The following COX17 variants were observed in gnomAD, a reference collection of about 807,000 sequenced individuals.
The protein encoded by COX17 is cytochrome c oxidase copper chaperone COX17.
In COX17, 1 loss-of-function variant was observed where a neutral mutation model predicts 6.3. The ratio of observed to expected loss-of-function variants is 0.16; its 90% CI spans 0.06 to 0.75. The LOEUF (loss-of-function observed/expected upper bound fraction) is 0.75, where lower values mean the gene tolerates loss of function less well. Among genes scored for constraint, COX17 ranks in the 30% least tolerant of loss-of-function variants. The pLI is 0.77. For missense variants in COX17, 73 were observed against 81.2 expected, an observed-to-expected ratio of 0.90 and a Z score of 0.39; for synonymous variants, 26 against 30.5, an observed-to-expected ratio of 0.85 and a Z score of 0.49.
At chr3:119,664,504 A>G (rs2052976133) in intron 3 of COX17, among the ~76,000 whole-genome samples, 2 of 152,228 alleles carry the variant, frequency 1.3e-5, no homozygotes, top group Non-Finnish European at 2.9e-5. Flanking sequence ...GTAAAACAAA[A>G]TACGTGGCAT....
At chr3:119,664,668 C>T (rs1553798490), downstream of COX17, among the ~76,000 whole-genome samples, 1 of 152,138 alleles carries the variant, frequency 6.6e-6, no homozygotes, top group Non-Finnish European at 1.5e-5. Context: ...TGTTACTTGT[C>T]CATGCTGGTT....
At chr3:119,668,955 T>C (rs182621114), downstream of COX17, among the ~76,000 whole-genome samples, 1 of 152,272 alleles carries the variant, frequency 6.6e-6, no homozygotes, top group East Asian at 1.9e-4. Context: ...TGACATTTAA[T>C]ACCAATTCAG....
downstream of COX17, among the ~76,000 whole-genome samples, chr3:119,668,056 C>A (rs1170081915): frequency 6.6e-6 from 1 of 151,996 alleles, no homozygotes; most frequent in Non-Finnish European, 1.5e-5. Context: ...CAAATGACAC[C>A]ACAGACCTAT....
At chr3:119,672,950 T>C (rs1228438540) in intron 2 of COX17, among the ~76,000 whole-genome samples, 1 of 152,220 alleles carries the variant, frequency 6.6e-6, no homozygotes, top group African/African-American at 2.4e-5. Context: ...AAGTTCCTTA[T>C]CCCTCCTTTT....
At chr3:119,668,783 T>C (rs1470531094), downstream of COX17, among the ~76,000 whole-genome samples, 2 of 152,092 alleles carry the variant, frequency 1.3e-5, no homozygotes, top group Admixed American at 1.3e-4. Context: ...TCAGTATCTT[T>C]TGTTCTTGAG....
intron 1 of COX17, chr3:119,676,826 A>C: frequency 1.4e-6 from 1 of 702,680 alleles, no homozygotes; most frequent in Middle Eastern, 2.3e-4. Context: ...TTCGGACCTA[A>C]CGCAGTGCTT....
At chr3:119,668,870 G>A (rs909323316), downstream of COX17, among the ~76,000 whole-genome samples, 1 of 151,926 alleles carries the variant, frequency 6.6e-6, no homozygotes, top group Non-Finnish European at 1.5e-5. Flanking sequence ...GGATGACAAG[G>A]TTGCTATACT....
At chr3:119,672,050 C>A (rs2053049931) in intron 2 of COX17, among the ~76,000 whole-genome samples, 1 of 152,180 alleles carries the variant, frequency 6.6e-6, no homozygotes, top group African/African-American at 2.4e-5. Flanking sequence ...ACTTAACAGA[C>A]CTCAACTGAA....
At chr3:119,677,027 G>GCGGGGC (rs1559736230) in intron 1 of COX17, 177 bp downstream of exon 1, 2 of 451,354 alleles carry the variant, frequency 4.4e-6, no homozygotes, top group Non-Finnish European at 7.9e-6. Flanking sequence ...GCGGGGCGGG[G>GCGGGGC]GGGGGGGGCA....
chr3:119,675,007 G>A (rs1325848658), intron 2 of COX17, 138 bp downstream of exon 2: 2 of 627,162 alleles, frequency 3.2e-6, no homozygotes, highest in Admixed American at 5.5e-5. Flanking sequence ...CCTTCATTGG[G>A]AACTGAAAAA....
chr3:119,673,189 C>G (rs781145619), intron 2 of COX17, among the ~76,000 whole-genome samples: 4 of 152,194 alleles, frequency 2.6e-5, no homozygotes, highest in Non-Finnish European at 5.9e-5. Context: ...TGATACTGCA[C>G]AACCCACCTT....
At chr3:119,665,586 C>A (rs766608648), downstream of COX17, among the ~76,000 whole-genome samples, 4 of 152,150 alleles carry the variant, frequency 2.6e-5, no homozygotes, top group Non-Finnish European at 5.9e-5. Flanking sequence ...GTTGCCCAGG[C>A]CAGTCTTGAA....
intron 1 of COX17, 22 bp downstream of exon 1, chr3:119,677,181 GC>G: frequency 6.3e-7 from 1 of 1,589,860 alleles, no homozygotes; most frequent in East Asian, 2.3e-5. Flanking sequence ...CGTCGGCCGC[GC>G]CCTCTCCGGC....
chr3:119,676,869 G>C, intron 1 of COX17: 1 of 702,904 alleles, frequency 1.4e-6, no homozygotes, highest in South Asian at 1.5e-5. Flanking sequence ...CACATTTGTA[G>C]GAAGGAATGA....
chr3:119,666,618 T>C (rs76419630), downstream of COX17, among the ~76,000 whole-genome samples: 3,236 of 152,344 alleles, frequency 0.021, 45 homozygotes, highest in Middle Eastern at 0.071. Flanking sequence ...CAACTTTATA[T>C]TTCTACGGTT....
In COX17 at chr3:119,669,538, T is replaced by G. The variant is rs2053023607; in HGVS notation, c.*132A>C. On this transcript the variant is annotated 3_prime_UTR_variant, in exon 3 of 3. Coordinates refer to ENST00000261070, the MANE Select transcript of COX17 (RefSeq NM_005694.2). ...AGAAACACAACTGAAGATCTTCCAC[T>G]AGTAATATTTTACTTTCTTCTTACA... is the stretch of plus-strand genomic sequence containing the variant. 6.6e-6 allele frequency: 1 copy of G among 152,196 alleles called. No homozygotes were observed. Among genetic ancestry groups the G allele is most frequent in the Non-Finnish European group, 1.5e-5 (1 of 68,030 alleles). 9.4% of individuals were successfully genotyped at this position (152,196 alleles called of 1,614,324 possible). A position where few individuals can be genotyped will look rare whatever the true frequency, so the allele number is the denominator to read the frequency against.
Position 119,677,359 on chromosome 3 carries a change from G to A in COX17, c.-49C>T, listed in dbSNP as rs1225119976. ...AGCGGAGACAGCCAAATCTATGCCA[G>A]CCTCGGCAAACGCCGATTCGTCCGC... is the stretch of plus-strand genomic sequence containing the variant. On this transcript the variant is annotated 5_prime_UTR_variant, in exon 1 of 3. Coordinates refer to ENST00000261070, the MANE Select transcript of COX17 (RefSeq NM_005694.2). 1 of 1,500,486 alleles carries A rather than the reference G, an allele frequency of 6.7e-7. No individual in the cohort carries two copies. The highest frequency in any genetic ancestry group is 1.4e-5 in the African/African-American group (1 of 72,458). The allele number at this position is 1,500,486 out of a possible 1,614,324, so 92.9% of individuals were successfully genotyped here.
chr3:119,667,165 T>C (rs1004520313), downstream of COX17, among the ~76,000 whole-genome samples: 8 of 152,202 alleles, frequency 5.3e-5, no homozygotes. Flanking sequence ...TATATCCGTA[T>C]TGAGTTGTCA....
At chr3:119,671,389 T>A (rs1035269851) in intron 2 of COX17, among the ~76,000 whole-genome samples, 2 of 152,224 alleles carry the variant, frequency 1.3e-5, no homozygotes, top group East Asian at 3.8e-4. Flanking sequence ...TAAGATCTAC[T>A]TAGGAATAAC....
Sources: allele counts gnomAD v4.1 joint callset (sites outside exome capture counted in the v4.1 genomes callset), GRCh38; gene constraint gnomAD v4.1.1; transcripts MANE v1.5; gene names NCBI Gene and HGNC (gene_info 2026-07-23, HGNC 2026-07-21).